UTRN: variants seen among roughly 807,000 people sequenced by gnomAD.
The protein encoded by UTRN is utrophin, also known as dystrophin-related protein 1.
Under a neutral mutation model 463.9 loss-of-function variants are expected in UTRN, and 283 were observed. The ratio of observed to expected loss-of-function variants is 0.61; its 90% CI spans 0.55 to 0.67. The LOEUF is 0.67. Among genes scored for constraint, UTRN ranks in the 30% least tolerant of loss-of-function variants. The probability of loss-of-function intolerance (pLI) is 0.00; values close to 1 mark genes in which losing one functional copy is unlikely to be tolerated. For synonymous variants in UTRN, 1,442 were observed against 1,431.5 expected (o/e 1.01, Z -0.17); for missense variants, 3,922 against 4,084.3 (o/e 0.96, Z 1.08).
chr6:144,725,175 T>C (rs1172362731), intron 53 of UTRN, among the ~76,000 whole-genome samples: 1 of 152,220 alleles, frequency 6.6e-6, no homozygotes, highest in Non-Finnish European at 1.5e-5. Flanking sequence ...GGAATAAGTC[T>C]CACAAGATCT....
chr6:144,383,834 T>G (rs934398088), intron 2 of UTRN, among the ~76,000 whole-genome samples: 3 of 152,206 alleles, frequency 2.0e-5, no homozygotes, highest in African/African-American at 7.2e-5. Context: ...AAAACAATTC[T>G]GATTCTAGAA....
At chr6:144,580,229 G>C (rs75439488) in intron 51 of UTRN, among the ~76,000 whole-genome samples, 19 of 151,134 alleles carry the variant, frequency 1.3e-4, no homozygotes, top group Admixed American at 4.0e-4. Context: ...GGCAGTGGTG[G>C]TGGTGGTGCT....
At chr6:144,340,147 A>G (rs1017478887) in intron 2 of UTRN, among the ~76,000 whole-genome samples, 3 of 152,230 alleles carry the variant, frequency 2.0e-5, no homozygotes, top group Admixed American at 6.5e-5. Flanking sequence ...AGCCTGGGCG[A>G]CATAACAAGA....
chr6:144,722,833 A>T (rs771342467), intron 53 of UTRN, among the ~76,000 whole-genome samples: 4 of 152,152 alleles, frequency 2.6e-5, no homozygotes, highest in Non-Finnish European at 5.9e-5. Context: ...CATGTGAGTG[A>T]GGCTGTTTTG....
chr6:144,808,685 C>T (rs1055248061), intron 65 of UTRN, among the ~76,000 whole-genome samples: 6 of 152,000 alleles, frequency 3.9e-5, no homozygotes, highest in African/African-American at 1.4e-4. Context: ...CACCCCCCAG[C>T]CCCTGGTAAC....
intron 2 of UTRN, among the ~76,000 whole-genome samples, chr6:144,300,310 G>A (rs571710934): frequency 1.3e-5 from 2 of 152,142 alleles, no homozygotes; most frequent in South Asian, 2.1e-4. Context: ...GGCTGGTCTC[G>A]AACTTCTGAC....
intron 58 of UTRN, among the ~76,000 whole-genome samples, chr6:144,771,047 A>G (rs568251287): frequency 6.6e-6 from 1 of 152,332 alleles, no homozygotes; most frequent in East Asian, 1.9e-4. Context: ...CCACAGCACT[A>G]CTTCTGCTGT....
chr6:144,554,072 A>G (rs1032268629), intron 48 of UTRN, among the ~76,000 whole-genome samples: 9 of 152,204 alleles, frequency 5.9e-5, no homozygotes, highest in African/African-American at 9.6e-5. Context: ...AGGAAGGACA[A>G]GAGCCAGTAT....
intron 33 of UTRN, among the ~76,000 whole-genome samples, chr6:144,496,301 C>T (rs1228602344): frequency 2.0e-5 from 3 of 152,132 alleles, no homozygotes; most frequent in Non-Finnish European, 4.4e-5. Context: ...ATTTTGTTTT[C>T]AGTTGAAATC....
intron 51 of UTRN, among the ~76,000 whole-genome samples, chr6:144,653,524 T>G (rs941863637): frequency 2.6e-5 from 4 of 151,524 alleles, no homozygotes; most frequent in Non-Finnish European, 5.9e-5. Context: ...AGGCAGAGCT[T>G]GCAGTGAGCG....
At chr6:144,708,411 C>A in intron 53 of UTRN, 1 of 632,386 alleles carries the variant, frequency 1.6e-6, no homozygotes, top group South Asian at 1.4e-5. Context: ...CCTTTGGCCT[C>A]TCATATTTTC....
chr6:144,560,235 A>C (rs1799742136), intron 50 of UTRN, among the ~76,000 whole-genome samples: 1 of 152,156 alleles, frequency 6.6e-6, no homozygotes, highest in Non-Finnish European at 1.5e-5. Flanking sequence ...CTTGACTGGC[A>C]AGCCAGGCTC....
intron 23 of UTRN, among the ~76,000 whole-genome samples, chr6:144,465,310 C>A (rs944759578): frequency 6.6e-6 from 1 of 152,168 alleles, no homozygotes; most frequent in African/African-American, 2.4e-5. Flanking sequence ...AATAAATATT[C>A]TCCCAAAATA....
intron 53 of UTRN, among the ~76,000 whole-genome samples, chr6:144,714,663 T>G (rs912308863): frequency 2.6e-5 from 4 of 152,184 alleles, no homozygotes; most frequent in African/African-American, 9.7e-5. Context: ...ACATATATAT[T>G]CTGACACATG....
At chr6:144,646,115 G>A (rs1409806018) in intron 51 of UTRN, among the ~76,000 whole-genome samples, 1 of 152,122 alleles carries the variant, frequency 6.6e-6, no homozygotes, top group African/African-American at 2.4e-5. Flanking sequence ...TTACTTAACA[G>A]TTCACTTTGT....
chr6:144,695,355 T>C (rs544504642), intron 52 of UTRN, among the ~76,000 whole-genome samples: 1 of 152,012 alleles, frequency 6.6e-6, no homozygotes, highest in Non-Finnish European at 1.5e-5. Flanking sequence ...ACTTTTTTTT[T>C]TTTTTTGAGA....
intron 48 of UTRN, among the ~76,000 whole-genome samples, chr6:144,552,705 T>C (rs866536845): frequency 6.6e-6 from 1 of 152,280 alleles, no homozygotes; most frequent in Middle Eastern, 3.4e-3. Context: ...TTGCTACCAA[T>C]AGTAACCTCG....
chr6:144,847,013 A>T (rs1260007215), intron 74 of UTRN, among the ~76,000 whole-genome samples, 186 bp downstream of exon 74: 1 of 152,260 alleles, frequency 6.6e-6, no homozygotes, highest in African/African-American at 2.4e-5. Flanking sequence ...CTCCCAAGCC[A>T]CAGATACCAA....
chr6:144,627,859 G>T (rs1317122834), intron 51 of UTRN, among the ~76,000 whole-genome samples: 3 of 146,986 alleles, frequency 2.0e-5, no homozygotes, highest in Non-Finnish European at 1.5e-5. Context: ...GAGTGCAGTG[G>T]CATGATCTCA....
Sources: gnomAD v4.1 joint callset for allele counts (sites outside exome capture counted in the v4.1 genomes callset) on GRCh38, gnomAD v4.1.1 for gene constraint, MANE v1.5 for transcripts, NCBI Gene and HGNC (gene_info 2026-07-23, HGNC 2026-07-21) for gene names.